The following EXOC4 variants were observed in gnomAD, a reference collection of about 807,000 sequenced individuals.
EXOC4 encodes the protein SEC8-like 1.
A neutral mutation model predicts 107.2 loss-of-function variants in EXOC4; 71 were observed. That is an observed-to-expected ratio of 0.66 (90% confidence interval 0.55 to 0.81). The LOEUF (loss-of-function observed/expected upper bound fraction) is 0.81. Among genes scored for constraint, EXOC4 ranks in the 30% least tolerant of loss-of-function variants. The probability of loss-of-function intolerance (pLI) is 0.00; values close to 1 mark genes in which losing one functional copy is unlikely to be tolerated. For synonymous variants in EXOC4, 456 were observed against 441.2 expected (o/e 1.03, Z -0.42); for missense variants, 1,108 against 1,189.6 (o/e 0.93, Z 1.01).
At chr7:133,987,140 T>C (rs1794133387) in intron 14 of EXOC4, among the ~76,000 whole-genome samples, 1 of 152,142 alleles carries the variant, frequency 6.6e-6, no homozygotes, top group Admixed American at 6.5e-5. Context: ...AATAGTTTTC[T>C]AAATAGGAAA....
intron 3 of EXOC4, among the ~76,000 whole-genome samples, chr7:133,302,470 A>G (rs1244405690): frequency 6.6e-6 from 1 of 152,200 alleles, no homozygotes; most frequent in Non-Finnish European, 1.5e-5. Context: ...AAGAATTCTA[A>G]ATACATTTAG....
At chr7:133,660,011 G>T (rs574880242) in intron 10 of EXOC4, among the ~76,000 whole-genome samples, 2 of 152,230 alleles carry the variant, frequency 1.3e-5, no homozygotes, top group South Asian at 2.1e-4. Flanking sequence ...AGAAGCAGAG[G>T]CTGACACCAT....
chr7:133,956,191 TTC>T (rs1269594896), intron 14 of EXOC4, among the ~76,000 whole-genome samples: 3 of 152,220 alleles, frequency 2.0e-5, no homozygotes, highest in African/African-American at 7.2e-5. Flanking sequence ...TCTTTTTTTT[TTC>T]TTTGTTTTGT....
At chr7:133,638,026 G>C (rs1802755600) in intron 10 of EXOC4, among the ~76,000 whole-genome samples, 1 of 152,142 alleles carries the variant, frequency 6.6e-6, no homozygotes, top group Admixed American at 6.5e-5. Flanking sequence ...ATGAGAAACA[G>C]TAGGGAAAAC....
intron 15 of EXOC4, among the ~76,000 whole-genome samples, chr7:133,998,375 A>G (rs1794445168): frequency 6.6e-6 from 1 of 152,188 alleles, no homozygotes; most frequent in Non-Finnish European, 1.5e-5. Flanking sequence ...GGGGCTGACT[A>G]GGAATGGGAT....
At chr7:133,489,373 CT>C (rs752560050) in intron 9 of EXOC4, among the ~76,000 whole-genome samples, 5 of 152,110 alleles carry the variant, frequency 3.3e-5, no homozygotes, top group Non-Finnish European at 7.4e-5. Context: ...CCTCTTAAAG[CT>C]TTAGAGACAA....
chr7:134,087,346 T>G, the EXOC4 span, among the ~76,000 whole-genome samples: 1 of 152,156 alleles, frequency 6.6e-6, no homozygotes, highest in Non-Finnish European at 1.5e-5. Context: ...AACAGCTCAG[T>G]CAGAAAGCAT....
rs573181133 is a variant in EXOC4 at position 133,942,956 on chromosome 7, T to C, written c.2206+4887T>C. Reference sequence around the variant, plus strand: ...TTTTCTAAGTTAGAAACTCCATCTGTCTTGTTATCATGCCGTGTAATATAT... The same window carrying C: ...TTTTCTAAGTTAGAAACTCCATCTGCCTTGTTATCATGCCGTGTAATATAT... On this transcript the variant is annotated intron_variant, in intron 14 of 17. Coordinates refer to ENST00000253861, the MANE Select transcript of EXOC4 (RefSeq NM_021807.4). Among the ~76,000 whole-genome samples the C allele has an allele frequency of 5.9e-5, 9 of 152,314 alleles. No homozygotes were observed. In the South Asian group the frequency reaches 1.7e-3, roughly 28 times the overall value.
intron 10 of EXOC4, among the ~76,000 whole-genome samples, chr7:133,811,243 C>T (rs1238317249): frequency 6.6e-6 from 1 of 152,122 alleles, no homozygotes; most frequent in East Asian, 1.9e-4. Flanking sequence ...GACAGGGCTC[C>T]ATCTGTGTTC....
intron 7 of EXOC4, among the ~76,000 whole-genome samples, chr7:133,414,878 C>T (rs568193450): frequency 6.6e-6 from 1 of 152,142 alleles, no homozygotes; most frequent in East Asian, 1.9e-4. Flanking sequence ...AGAAAATTAT[C>T]ATTACTCCAC....
chr7:133,904,488 T>C (rs1799525142), intron 12 of EXOC4, among the ~76,000 whole-genome samples: 1 of 152,218 alleles, frequency 6.6e-6, no homozygotes, highest in Admixed American at 6.5e-5. Context: ...GTTTTTGACA[T>C]ATTCTGGTCA....
chr7:133,550,596 G>T lies in EXOC4; in HGVS notation c.1417+70458G>T, dbSNP rs186199983. On this transcript the variant is annotated intron_variant, in intron 9 of 17. Transcript: ENST00000253861. ...CCACCAACAGTATTATAAGTATAAG[G>T]CTTTTTATACTTTCCTTTATCACTC... Among the ~76,000 whole-genome samples, 701 of 152,104 alleles carry T rather than the reference G, an allele frequency of 4.6e-3. 5 individuals are homozygous for T. Among genetic ancestry groups the T allele is most frequent in the Non-Finnish European group, 5.3e-3 (359 of 67,970 alleles).
intron 9 of EXOC4, among the ~76,000 whole-genome samples, chr7:133,544,831 CTTT>C (rs11330928): frequency 5.6e-5 from 8 of 141,620 alleles, no homozygotes; most frequent in East Asian, 2.0e-4. Flanking sequence ...GTTTCCTTCC[CTTT>C]TTTTTTTTTT....
intron 7 of EXOC4, among the ~76,000 whole-genome samples, chr7:133,376,588 A>G (rs1796496216): frequency 1.3e-5 from 2 of 152,166 alleles, no homozygotes; most frequent in African/African-American, 4.8e-5. Context: ...AATACTTTCC[A>G]AACTATTAGC....
At chr7:133,842,053 T>C (rs1463673028) in intron 11 of EXOC4, among the ~76,000 whole-genome samples, 4 of 152,238 alleles carry the variant, frequency 2.6e-5, no homozygotes, top group African/African-American at 9.6e-5. Context: ...CAGTTTACCA[T>C]TGATGGACAT....
intron 10 of EXOC4, among the ~76,000 whole-genome samples, chr7:133,799,857 A>G (rs911998075): frequency 2.0e-5 from 3 of 152,156 alleles, no homozygotes; most frequent in African/African-American, 4.8e-5. Flanking sequence ...ATTTCTAGAG[A>G]TGGGACTTGT....
Position 133,600,759 on chromosome 7 carries a change from G to A in EXOC4, c.1418-29286G>A, listed in dbSNP as rs147242756. ...CTTTATTCCCAGCGGCCTTTTGTGG[G>A]ACAGATATGTATCTATGTCTCTAAC... On this transcript the variant is annotated intron_variant, in intron 9 of 17. Coordinates refer to ENST00000253861, the MANE Select transcript of EXOC4 (RefSeq NM_021807.4). Among the ~76,000 whole-genome samples the A allele has an allele frequency of 2.2e-3, 334 of 152,268 alleles. 1 individual carries two copies. Among genetic ancestry groups the A allele is most frequent in the Non-Finnish European group, 3.3e-3 (224 of 68,030 alleles).
intron 4 of EXOC4, among the ~76,000 whole-genome samples, chr7:133,314,516 C>T (rs1399209675): frequency 6.6e-6 from 1 of 152,096 alleles, no homozygotes; most frequent in African/African-American, 2.4e-5. Flanking sequence ...ATAAAATCAG[C>T]AGGTTATATT....
chr7:133,948,578 C>T (rs781423739), intron 14 of EXOC4, among the ~76,000 whole-genome samples: 5 of 151,924 alleles, frequency 3.3e-5, no homozygotes, highest in Non-Finnish European at 5.9e-5. Flanking sequence ...AGCAAAGGGG[C>T]GAGATGTGCG....
Sources: gnomAD v4.1 joint callset for allele counts (sites outside exome capture counted in the v4.1 genomes callset) on GRCh38, gnomAD v4.1.1 for gene constraint, MANE v1.5 for transcripts, NCBI Gene and HGNC (gene_info 2026-07-23, HGNC 2026-07-21) for gene names.